TBC1D21: variants seen among roughly 807,000 people sequenced by gnomAD.
TBC1D21 encodes TBC1 domain family member 21.
In TBC1D21, 38 loss-of-function variants were observed where a neutral mutation model predicts 46.0. That is an observed-to-expected ratio of 0.83 (90% CI 0.64 to 1.08). The LOEUF (loss-of-function observed/expected upper bound fraction) is 1.08. TBC1D21 is among the 50% of genes least tolerant of loss of function. The probability of loss-of-function intolerance (pLI) is 0.00; values close to 1 mark genes in which losing one functional copy is unlikely to be tolerated. For synonymous variants in TBC1D21, 151 were observed against 157.2 expected, an observed-to-expected ratio of 0.96 and a Z score of 0.29; for missense variants, 415 against 417.9, an observed-to-expected ratio of 0.99 and a Z score of 0.06.
At chr15:73,902,698 G>A in the TBC1D21 span, among the ~76,000 whole-genome samples, 5 of 152,204 alleles carry the variant, frequency 3.3e-5, no homozygotes, top group Non-Finnish European at 7.3e-5. Flanking sequence ...TCCATGCTTA[G>A]CATGGGGTCT....
the TBC1D21 span, among the ~76,000 whole-genome samples, chr15:73,895,299 G>C: frequency 6.6e-6 from 1 of 152,202 alleles, no homozygotes; most frequent in African/African-American, 2.4e-5. Flanking sequence ...ACGGACCAGA[G>C]AGGACAGGAG....
At chr15:73,906,108 A>G in the TBC1D21 span, among the ~76,000 whole-genome samples, 1 of 152,168 alleles carries the variant, frequency 6.6e-6, no homozygotes, top group Non-Finnish European at 1.5e-5. Flanking sequence ...TAAGCTGCTC[A>G]CACTCAAGAG....
Position 73,875,735 on chromosome 15 carries a change from C to A in TBC1D21, c.60+1966C>A, listed in dbSNP as rs114586983. ...CTATCTAGCAGTACGCTTCCCAGGA[C>A]ACTAGGAAAGGCACCACTGCAGAGC... On this transcript the variant is annotated intron_variant, in intron 1 of 10. Transcript: ENST00000300504. Among the ~76,000 whole-genome samples the A allele has an allele frequency of 1.8e-3, 270 of 152,292 alleles. 1 individual carries two copies. The highest frequency in any genetic ancestry group is 6.4e-3 in the African/African-American group (266 of 41,566).
At chr15:73,884,052 G>A in intron 3 of TBC1D21, 99 bp from the exon 4 acceptor site, 1 of 967,434 alleles carries the variant, frequency 1.0e-6, no homozygotes. Flanking sequence ...TGAGGGTGCT[G>A]CCCTGGATCT....
chr15:73,898,863 C>G, the TBC1D21 span, among the ~76,000 whole-genome samples: 1 of 24,106 alleles, frequency 4.1e-5, no homozygotes, highest in South Asian at 1.7e-3. Context: ...GACTCCATCT[C>G]AAAAAAAAAA....
chr15:73,888,270 C>T (rs2068286171), intron 9 of TBC1D21, among the ~76,000 whole-genome samples, 160 bp from the exon 10 acceptor site: 1 of 152,206 alleles, frequency 6.6e-6, no homozygotes, highest in Non-Finnish European at 1.5e-5. Context: ...AAATTTTAGG[C>T]ATTGAGCCAA....
rs375143943 is a variant in TBC1D21 at position 73,873,692 on chromosome 15, C to A, written c.-18C>A. On this transcript the variant is annotated 5_prime_UTR_variant, in exon 1 of 11. Coordinates refer to ENST00000300504, the MANE Select transcript of TBC1D21 (RefSeq NM_153356.3). ...AAGTGAGTTCTGATCAGAGGCTGTTCGGAAGACAGCAGGGGCCATGACCAC... is the reference window on the plus strand; with the variant it reads ...AAGTGAGTTCTGATCAGAGGCTGTTAGGAAGACAGCAGGGGCCATGACCAC... 1.9e-6 allele frequency: 3 copies of A among 1,597,346 alleles called. No individual in the cohort carries two copies. Among genetic ancestry groups the A allele is most frequent in the African/African-American group, 1.3e-5 (1 of 74,504 alleles).
At position 73,881,404 on chromosome 15, in the gene TBC1D21, G is replaced by C. The variant is rs1167007135; in HGVS notation, c.66G>C (p.Lys22Asn). The C allele has an allele frequency of 6.2e-7, 1 of 1,613,946 alleles. No individual in the cohort carries two copies. The highest frequency in any genetic ancestry group is 8.5e-7 in the Non-Finnish European group (1 of 1,179,970). ...CTGGTTGCTGCTTTTGCCAGGTGAAGAGAAAACCACCCATTGACAAGACAG... is the reference window on the plus strand; with the variant it reads ...CTGGTTGCTGCTTTTGCCAGGTGAACAGAAAACCACCCATTGACAAGACAG... ...ARQSASFILV[K>N]RKPPIDKTEW... Residue 22 changes from lysine (K) to asparagine (N), a missense_variant, in exon 2 of 11, where the codon AAG (lysine) becomes AAC (asparagine). Physicochemically the swap from Lys to Asn is moderately conservative, Grantham distance 94. Coordinates refer to ENST00000300504, the MANE Select transcript of TBC1D21 (RefSeq NM_153356.3).
intron 4 of TBC1D21, 109 bp downstream of exon 4, chr15:73,884,354 C>T: frequency 9.6e-7 from 1 of 1,042,830 alleles, no homozygotes; most frequent in Non-Finnish European, 1.5e-6. Context: ...CTGGGAGTTG[C>T]TTTGACTTGT....
chr15:73,898,902 T>C, the TBC1D21 span, among the ~76,000 whole-genome samples: 435 of 112,848 alleles, frequency 3.9e-3, 7 homozygotes, highest in East Asian at 1.0e-2. Flanking sequence ...TATATATATA[T>C]ACACACACAC....
intron 3 of TBC1D21, 87 bp downstream of exon 3, chr15:73,881,834 C>A: frequency 8.4e-7 from 1 of 1,186,476 alleles, no homozygotes; most frequent in Non-Finnish European, 1.2e-6. Context: ...ATCTTCTGCC[C>A]CCATGCAACT....
At chr15:73,873,891 G>A (rs2068012501) in intron 1 of TBC1D21, 122 bp downstream of exon 1, 1 of 1,167,628 alleles carries the variant, frequency 8.6e-7, no homozygotes, top group Non-Finnish European at 1.2e-6. Flanking sequence ...GTGGAGCAAG[G>A]GCGGTTGTAC....
the TBC1D21 span, among the ~76,000 whole-genome samples, chr15:73,907,601 A>G: frequency 1.3e-5 from 2 of 152,196 alleles, no homozygotes; most frequent in African/African-American, 4.8e-5. Context: ...TGCAAGCTGA[A>G]TAAGAACTTG....
chr15:73,889,383 G>A (rs1367638991), downstream of TBC1D21, among the ~76,000 whole-genome samples: 6 of 152,168 alleles, frequency 3.9e-5, no homozygotes, highest in Non-Finnish European at 8.8e-5. Context: ...CTTGATGGAG[G>A]GTTTTCCAAG....
At chr15:73,909,150 T>C in the TBC1D21 span, among the ~76,000 whole-genome samples, 1 of 152,216 alleles carries the variant, frequency 6.6e-6, no homozygotes, top group South Asian at 2.1e-4. Flanking sequence ...GGCAGGCAGA[T>C]CACTTGAGGT....
chr15:73,907,440 G>A, the TBC1D21 span, among the ~76,000 whole-genome samples: 1 of 152,200 alleles, frequency 6.6e-6, no homozygotes, highest in Middle Eastern at 3.2e-3. Context: ...GGAGAGACAG[G>A]AACCAAATCT....
intron 1 of TBC1D21, among the ~76,000 whole-genome samples, chr15:73,878,550 A>C (rs1168285832): frequency 6.6e-6 from 1 of 152,246 alleles, no homozygotes; most frequent in East Asian, 1.9e-4. Context: ...ATACTTATGG[A>C]TAAACTTGAC....
At position 73,885,111 on chromosome 15, in the gene TBC1D21, C is replaced by A; in HGVS notation, c.579+8C>A. The A allele has an allele frequency of 6.2e-7, 1 of 1,610,416 alleles. No homozygotes were observed. The highest frequency in any genetic ancestry group is 8.5e-7 in the Non-Finnish European group (1 of 1,179,398). On this transcript the variant is annotated splice_region_variant and intron_variant, in intron 6 of 10. Transcript: ENST00000300504. Reference sequence around the variant, plus strand: ...TTCTTCCTGCAGAAAACGGTGAGGGCAAGGCCTGAGCTCAGGGACGCCCCT... The same window carrying A: ...TTCTTCCTGCAGAAAACGGTGAGGGAAAGGCCTGAGCTCAGGGACGCCCCT...
At chr15:73,896,775 A>T in the TBC1D21 span, among the ~76,000 whole-genome samples, 3 of 152,140 alleles carry the variant, frequency 2.0e-5, no homozygotes, top group African/African-American at 7.2e-5. Flanking sequence ...GTAGGCCTGA[A>T]GTCTGCCAGT....
Sources: gnomAD v4.1 joint callset for allele counts (sites outside exome capture counted in the v4.1 genomes callset) on GRCh38, gnomAD v4.1.1 for gene constraint, MANE v1.5 for transcripts, NCBI Gene and HGNC (gene_info 2026-07-23, HGNC 2026-07-21) for gene names.